DIP2C: variants seen among roughly 807,000 people sequenced by gnomAD.
The protein encoded by DIP2C is disco-interacting protein 2 homolog C.
In DIP2C, 33 loss-of-function variants were observed where a neutral mutation model predicts 192.4. That is an observed-to-expected ratio of 0.17 (90% confidence interval 0.13 to 0.23). The LOEUF (loss-of-function observed/expected upper bound fraction) is 0.23, where lower values mean the gene tolerates loss of function less well. Among genes scored for constraint, DIP2C ranks in the 10% least tolerant of loss-of-function variants. DIP2C has a pLI of 1.00. For missense variants in DIP2C, 1,537 were observed against 2,110.1 expected (o/e 0.73, Z 5.32); for synonymous variants, 979 against 864.1 (o/e 1.13, Z -2.33).
rs767931719 is a variant in DIP2C, at chr10:441,003, C to T, written c.269-7G>A. The T allele has an allele frequency of 7.5e-6, 12 of 1,610,344 alleles. No individual in the cohort carries two copies. Among genetic ancestry groups the T allele is most frequent in the Non-Finnish European group, 9.3e-6 (11 of 1,179,106 alleles). On this transcript the variant is annotated splice_polypyrimidine_tract_variant and splice_region_variant and intron_variant, in intron 3 of 36. Coordinates refer to ENST00000280886, the MANE Select transcript of DIP2C (RefSeq NM_014974.3). ...ACAGCTTCCGTGTGGACGTCTGAAA[C>T]GGAGAGAGCTCAGTCACTCAGTGCT... is the stretch of plus-strand genomic sequence containing the variant.
At position 651,622 on chromosome 10, in the gene DIP2C, G is replaced by C. The variant is rs1020504987; in HGVS notation, c.85+37872C>G. On this transcript the variant is annotated intron_variant, in intron 1 of 36. Coordinates refer to ENST00000280886, the MANE Select transcript of DIP2C (RefSeq NM_014974.3). This position sits in a 1 kb window ranked among gnomAD's most constrained non-coding sequence, Gnocchi z 4.1. ...ATCTTTTATAAAACAAGAACGCAAG[G>C]CTCTGAGGCCAACTTTGAACATTTA... 1.4e-5 allele frequency: 5 copies of C among 358,074 alleles called. No individual in the cohort carries two copies. Among genetic ancestry groups the C allele is most frequent in the Non-Finnish European group, 2.7e-5 (5 of 183,472 alleles). The allele number at this position is 358,074 out of a possible 1,614,324, so 22.2% of individuals were successfully genotyped here. A position where few individuals can be genotyped will look rare whatever the true frequency, so the allele number is the denominator to read the frequency against.
intron 14 of DIP2C, among the ~76,000 whole-genome samples, chr10:386,461 G>C (rs1021346093): frequency 6.6e-5 from 10 of 152,218 alleles, no homozygotes; most frequent in African/African-American, 2.4e-4. Context: ...AACGGTGCTG[G>C]GAACAAGCTG....
chr10:476,352 C>T (rs578144600), intron 2 of DIP2C, among the ~76,000 whole-genome samples: 6 of 152,318 alleles, frequency 3.9e-5, no homozygotes, highest in South Asian at 2.1e-4. Flanking sequence ...GGCCCCAATC[C>T]GTCTGGCTCC....
intron 4 of DIP2C, among the ~76,000 whole-genome samples, chr10:429,747 G>T (rs547632357): frequency 6.6e-6 from 1 of 151,694 alleles, no homozygotes; most frequent in African/African-American, 2.4e-5. Flanking sequence ...ATATCCCATT[G>T]TCTGTATGTA....
chr10:282,871 C>T (rs1196680894), intron 35 of DIP2C, among the ~76,000 whole-genome samples: 1 of 152,246 alleles, frequency 6.6e-6, no homozygotes. Context: ...GCAGCATGCA[C>T]GTTCCTGCAG....
intron 2 of DIP2C, chr10:484,903 T>C: frequency 6.2e-7 from 1 of 1,611,880 alleles, no homozygotes; most frequent in Non-Finnish European, 8.5e-7. Flanking sequence ...CGGCGCTCCT[T>C]CACTGTGCTG....
At chr10:454,845 C>T (rs1011714087) in intron 3 of DIP2C, among the ~76,000 whole-genome samples, 1 of 152,160 alleles carries the variant, frequency 6.6e-6, no homozygotes, top group Non-Finnish European at 1.5e-5. Flanking sequence ...TATACAAATG[C>T]GCCCTTTATG....
intron 1 of DIP2C, among the ~76,000 whole-genome samples, chr10:644,033 C>A (rs1170008386): frequency 6.6e-6 from 1 of 152,234 alleles, no homozygotes; most frequent in East Asian, 1.9e-4. Context: ...CACACTCAGA[C>A]ACAAGGTGGC....
intron 3 of DIP2C, among the ~76,000 whole-genome samples, chr10:469,259 C>A (rs1050938368): frequency 1.3e-5 from 2 of 151,968 alleles, no homozygotes; most frequent in Non-Finnish European, 2.9e-5. Flanking sequence ...ATTAACCCAA[C>A]CTTCAGGTCC....
At chr10:634,839 G>A (rs529669399) in intron 1 of DIP2C, among the ~76,000 whole-genome samples, 2 of 152,262 alleles carry the variant, frequency 1.3e-5, no homozygotes, top group African/African-American at 4.8e-5. Flanking sequence ...CCGGAGGGTA[G>A]CGTAAAATTA....
At chr10:688,013 G>T (rs985487817) in intron 1 of DIP2C, among the ~76,000 whole-genome samples, 1 of 152,204 alleles carries the variant, frequency 6.6e-6, no homozygotes, top group African/African-American at 2.4e-5. Context: ...CACCTGGGCC[G>T]AGACGCAAGC....
At chr10:621,835 T>A (rs916344853) in intron 1 of DIP2C, among the ~76,000 whole-genome samples, 5 of 152,076 alleles carry the variant, frequency 3.3e-5, no homozygotes, top group African/African-American at 1.2e-4. Flanking sequence ...AAACAAGAGG[T>A]TGACATGGCT....
chr10:287,736 TAAAAAAAC>T (rs550551242), intron 33 of DIP2C, among the ~76,000 whole-genome samples: 4 of 150,898 alleles, frequency 2.7e-5, no homozygotes, highest in South Asian at 2.1e-4. Flanking sequence ...TTAGTTCTAG[TAAAAAAAC>T]AAAAAAACAA....
chr10:475,405 A>G (rs1165040349), intron 2 of DIP2C, among the ~76,000 whole-genome samples: 1 of 152,176 alleles, frequency 6.6e-6, no homozygotes, highest in Non-Finnish European at 1.5e-5. Context: ...CAGTGGCCTG[A>G]CGTTTTTAAT....
intron 1 of DIP2C, among the ~76,000 whole-genome samples, chr10:583,759 G>C (rs1245097277): frequency 6.6e-6 from 1 of 152,192 alleles, no homozygotes; most frequent in African/African-American, 2.4e-5. Context: ...GGTATTAAAT[G>C]AGTTATCAAA....
At chr10:308,011 C>T (rs1296186697) in intron 32 of DIP2C, among the ~76,000 whole-genome samples, 4 of 141,182 alleles carry the variant, frequency 2.8e-5, no homozygotes, top group Admixed American at 2.1e-4. Flanking sequence ...GGGCCCAGCA[C>T]ATGGTCCATC....
chr10:609,397 A>T (rs780494676), intron 1 of DIP2C, among the ~76,000 whole-genome samples: 1 of 152,212 alleles, frequency 6.6e-6, no homozygotes, highest in Admixed American at 6.5e-5. Context: ...ATTCACTTAC[A>T]ATCTATCAAA....
chr10:400,810 T>C (rs868063227), intron 9 of DIP2C, among the ~76,000 whole-genome samples: 1 of 151,652 alleles, frequency 6.6e-6, no homozygotes, highest in Admixed American at 6.6e-5. Context: ...TACTCTTCCT[T>C]ATGAACAAGT....
intron 1 of DIP2C, among the ~76,000 whole-genome samples, chr10:487,804 C>T (rs1220998120): frequency 6.6e-6 from 1 of 152,028 alleles, no homozygotes; most frequent in Admixed American, 6.6e-5. Context: ...ATCTCCATCT[C>T]CTGACCTCAT....
Sources: gnomAD v4.1 joint callset for allele counts (sites outside exome capture counted in the v4.1 genomes callset) on GRCh38, gnomAD v4.1.1 for gene constraint, Gnocchi (gnomAD v3.1) non-coding constraint, MANE v1.5 for transcripts, NCBI Gene and HGNC (gene_info 2026-07-23, HGNC 2026-07-21) for gene names.